FAXC: variants seen among roughly 807,000 people sequenced by gnomAD.
FAXC encodes failed axon connections homolog.
In FAXC, 10 loss-of-function variants were observed where a neutral mutation model predicts 41.9. The observed-to-expected ratio is 0.24, with a 90% confidence interval of 0.15 to 0.41. The LOEUF is 0.41. FAXC is among the 10% of genes least tolerant of loss of function. FAXC has a pLI of 1.00. For synonymous variants in FAXC, 183 were observed against 183.8 expected, an observed-to-expected ratio of 1.00 and a Z score of 0.03; for missense variants, 399 against 510.9, an observed-to-expected ratio of 0.78 and a Z score of 2.11.
At position 99,328,876 on chromosome 6, in the gene FAXC, C is replaced by T. The variant is rs142728591; in HGVS notation, c.599+4475G>A. ...CACTAACACTCATTCATTAAGTTTGCAGAAATAATGAATTATTGATTAAAT... is the reference window on the plus strand; with the variant it reads ...CACTAACACTCATTCATTAAGTTTGTAGAAATAATGAATTATTGATTAAAT... On this transcript the variant is annotated intron_variant, in intron 3 of 5. Coordinates refer to ENST00000389677, the MANE Select transcript of FAXC (RefSeq NM_032511.4). Among the ~76,000 whole-genome samples, 559 of 152,226 alleles carry T rather than the reference C, an allele frequency of 3.7e-3. 4 individuals carry two copies. Among genetic ancestry groups the T allele is most frequent in the African/African-American group, 0.013 (524 of 41,512 alleles).
intron 5 of FAXC, among the ~76,000 whole-genome samples, chr6:99,290,252 CAT>C (rs1472870246): frequency 6.6e-6 from 1 of 152,010 alleles, no homozygotes; most frequent in Non-Finnish European, 1.5e-5. Flanking sequence ...CCACCCCACA[CAT>C]ATATGTTCAT....
intron 3 of FAXC, among the ~76,000 whole-genome samples, chr6:99,332,180 A>T (rs1773050274): frequency 6.6e-6 from 1 of 152,178 alleles, no homozygotes; most frequent in African/African-American, 2.4e-5. Flanking sequence ...GAAGAGGGTC[A>T]CTTAAAATCC....
rs542056541 is a variant in FAXC, at chr6:99,280,877, C to T, written c.*287G>A. ...TATCAGCTGACAACCAGCTCTTACACCTGCTCTACCACACAATATTATTAA... is the reference window on the plus strand; with the variant it reads ...TATCAGCTGACAACCAGCTCTTACATCTGCTCTACCACACAATATTATTAA... On this transcript the variant is annotated 3_prime_UTR_variant, in exon 6 of 6. Coordinates refer to ENST00000389677, the MANE Select transcript of FAXC (RefSeq NM_032511.4). The T allele has an allele frequency of 3.9e-4, 108 of 277,996 alleles. 4 individuals are homozygous for T. In the South Asian group the frequency reaches 5.9e-3, roughly 15 times the overall value. 17.2% of individuals were successfully genotyped at this position (277,996 alleles called of 1,614,324 possible).
chr6:99,287,558 T>G (rs1015386214), intron 5 of FAXC, among the ~76,000 whole-genome samples: 2 of 152,220 alleles, frequency 1.3e-5, no homozygotes, highest in African/African-American at 4.8e-5. Flanking sequence ...CTTGTGTGGC[T>G]TTATAAATAA....
At chr6:99,287,176 C>T (rs1194349186) in intron 5 of FAXC, among the ~76,000 whole-genome samples, 1 of 151,926 alleles carries the variant, frequency 6.6e-6, no homozygotes, top group Non-Finnish European at 1.5e-5. Flanking sequence ...TTAAAAATAC[C>T]ATTTTGAAGA....
rs1773707034 is a variant in FAXC at position 99,349,282 on chromosome 6, C to T, written c.91G>A (p.Gly31Arg). Residue 31 changes from glycine (G) to arginine (R), a missense_variant, in exon 1 of 6, where the codon GGG becomes AGG. Transcript: ENST00000389677. ...TAAAAGGAGAAGGGCTCCTCGGACC[C>T]GGCCCACCAGCCGAAGAAGGAGATG... ...QSISFFGWWA[G>R]SEEPFSFYGD... The T allele has an allele frequency of 6.2e-7, 1 of 1,613,470 alleles. No individual in the cohort carries two copies. Among genetic ancestry groups the T allele is most frequent in the Admixed American group, 1.7e-5 (1 of 60,028 alleles).
chr6:99,296,388 C>T (rs1305027052), intron 4 of FAXC, among the ~76,000 whole-genome samples: 1 of 152,018 alleles, frequency 6.6e-6, no homozygotes, highest in Non-Finnish European at 1.5e-5. Context: ...GTGAACCATC[C>T]GGTGACTTCC....
rs1313236449 is a variant in FAXC, at chr6:99,274,339, TTATTTTAGCAAGATGGCACCACCTA to T, written c.*6800_*6824del. On this transcript the variant is annotated 3_prime_UTR_variant, in exon 6 of 6. Coordinates refer to ENST00000389677, the MANE Select transcript of FAXC (RefSeq NM_032511.4). The stretch of plus-strand genomic sequence containing the variant: ...TTGATTTATAAACCTGTACTTTTTA[TTATTTTAGCAAGATGGCACCACCTA>T]GAAAACTTTCAATTGCCTGATACAT... 5 of 152,224 alleles carry T rather than the reference TTATTTTAGCAAGATGGCACCACCTA, an allele frequency of 3.3e-5. No individual in the cohort carries two copies. The highest frequency in any genetic ancestry group is 1.2e-4 in the African/African-American group (5 of 41,460). The allele number at this position is 152,224 out of a possible 1,614,324, so 9.4% of individuals were successfully genotyped here. A position where few individuals can be genotyped will look rare whatever the true frequency, so the allele number is the denominator to read the frequency against.
At chr6:99,349,729 A>ACCCCGCGCCCTGC (rs1475822570), upstream of FAXC, 2 of 151,244 alleles carry the variant, frequency 1.3e-5, no homozygotes, top group Middle Eastern at 3.4e-3. Context: ...AAAGTCACCT[A>ACCCCGCGCCCTGC]CCCCGCGCCC....
intron 5 of FAXC, among the ~76,000 whole-genome samples, chr6:99,287,494 T>G (rs1771070490): frequency 6.6e-6 from 1 of 152,212 alleles, no homozygotes; most frequent in African/African-American, 2.4e-5. Flanking sequence ...CCTGTCCTCC[T>G]GCTCATCTAA....
chr6:99,334,915 C>T (rs1773162328), intron 2 of FAXC, among the ~76,000 whole-genome samples: 1 of 152,190 alleles, frequency 6.6e-6, no homozygotes, highest in Non-Finnish European at 1.5e-5. Context: ...CCAGCTACCC[C>T]TACCCAGCCA....
In FAXC at chr6:99,316,409, A is replaced by AGT. The variant is rs556604286; in HGVS notation, c.823+7033_823+7034dup. Among the ~76,000 whole-genome samples the AGT allele has an allele frequency of 8.1e-3, 1,227 of 150,576 alleles. 21 individuals carry two copies. The highest frequency in any genetic ancestry group is 0.029 in the African/African-American group (1,163 of 39,936). The stretch of plus-strand genomic sequence containing the variant: ...CCTCCCCCTGCCTATTTCCTACAAG[A>AGT]GTCCAGCCTTGTCTTTGGATTCTGA... On this transcript the variant is annotated intron_variant, in intron 4 of 5. Transcript: ENST00000389677.
intron 4 of FAXC, among the ~76,000 whole-genome samples, chr6:99,305,955 A>C (rs1771903522): frequency 6.6e-6 from 1 of 152,140 alleles, no homozygotes; most frequent in Admixed American, 6.5e-5. Context: ...TGAAGAGACA[A>C]TAAGCAAATC....
intron 1 of FAXC, among the ~76,000 whole-genome samples, chr6:99,343,320 A>G (rs1260641992): frequency 6.6e-6 from 1 of 152,134 alleles, no homozygotes; most frequent in Non-Finnish European, 1.5e-5. Context: ...TCTGTTACCT[A>G]TGGCCTCCGG....
chr6:99,282,977 C>T (rs1349456547), intron 5 of FAXC, among the ~76,000 whole-genome samples: 4 of 152,092 alleles, frequency 2.6e-5, no homozygotes, highest in Non-Finnish European at 5.9e-5. Flanking sequence ...CACTTAACAA[C>T]GTATAATAAA....
intron 4 of FAXC, among the ~76,000 whole-genome samples, chr6:99,320,657 T>C (rs1363368430): frequency 6.6e-6 from 1 of 152,234 alleles, no homozygotes; most frequent in African/African-American, 2.4e-5. Flanking sequence ...TTTAGCATGA[T>C]AATTACTGTC....
chr6:99,304,394 AC>A (rs1350970551), intron 4 of FAXC, among the ~76,000 whole-genome samples: 1 of 152,114 alleles, frequency 6.6e-6, no homozygotes, highest in Non-Finnish European at 1.5e-5. Context: ...AGAATTCAGG[AC>A]CAAGAAAAAA....
chr6:99,296,527 G>A (rs1275671939), intron 4 of FAXC, among the ~76,000 whole-genome samples: 1 of 152,148 alleles, frequency 6.6e-6, no homozygotes, highest in East Asian at 1.9e-4. Context: ...AAAGCCCCGG[G>A]TGTGAAGGGA....
rs368686398 is a variant in FAXC at position 99,274,849 on chromosome 6, G to A, written c.*6315C>T. ...TCTCTTGTAGAAGAGAAGCAAATAC[G>A]AAAGAACATTTCTGATTCTGAACAA... On this transcript the variant is annotated 3_prime_UTR_variant, in exon 6 of 6. Coordinates refer to ENST00000389677, the MANE Select transcript of FAXC (RefSeq NM_032511.4). The A allele has an allele frequency of 9.0e-4, 137 of 152,216 alleles. No individual in the cohort carries two copies. The highest frequency in any genetic ancestry group is 3.0e-3 in the African/African-American group (126 of 41,550). The allele number at this position is 152,216 out of a possible 1,614,324, so 9.4% of individuals were successfully genotyped here.
Sources: gnomAD v4.1 joint callset for allele counts (sites outside exome capture counted in the v4.1 genomes callset) on GRCh38, gnomAD v4.1.1 for gene constraint, MANE v1.5 for transcripts, NCBI Gene and HGNC (gene_info 2026-07-23, HGNC 2026-07-21) for gene names.